PRSS23: variants seen among roughly 807,000 people sequenced by gnomAD.
The protein encoded by PRSS23 is serine protease 23.
In PRSS23, 25 loss-of-function variants were observed where a neutral mutation model predicts 34.7. That is an observed-to-expected ratio of 0.72 (90% confidence interval 0.53 to 1.01). PRSS23 has a LOEUF of 1.01. PRSS23 is among the 50% of genes least tolerant of loss of function. The probability of loss-of-function intolerance (pLI) is 0.00; values close to 1 mark genes in which losing one functional copy is unlikely to be tolerated. For synonymous variants in PRSS23, 176 were observed against 186.6 expected (o/e 0.94, Z 0.46); for missense variants, 445 against 475.6 (o/e 0.94, Z 0.60).
rs533874541 is a variant in PRSS23, at chr11:86,836,400, C to T, written c.206+12807C>T. On this transcript the variant is annotated intron_variant, in intron 2 of 2. Coordinates refer to the PRSS23 transcript ENST00000533902. ...ACTTGAACAGGATGGGTATTCTTTG[C>T]TCATCCATATTGTCCTTCTGTTACA... Among the ~76,000 whole-genome samples, 20 of 152,196 alleles carry T rather than the reference C, an allele frequency of 1.3e-4. No homozygotes were observed. In the East Asian group the frequency reaches 3.7e-3, roughly 28 times the overall value.
intron 2 of PRSS23, among the ~76,000 whole-genome samples, chr11:86,890,458 C>T (rs1040995563): frequency 3.3e-5 from 5 of 152,136 alleles, no homozygotes; most frequent in Non-Finnish European, 7.3e-5. Flanking sequence ...AAATTGTATC[C>T]ATGTAGGGTA....
chr11:86,845,147 T>C (rs1948477290), intron 2 of PRSS23, among the ~76,000 whole-genome samples: 1 of 152,112 alleles, frequency 6.6e-6, no homozygotes, highest in Non-Finnish European at 1.5e-5. Context: ...AGCCAATTTT[T>C]GTGAACCAAG....
chr11:86,830,577 T>TCTGTG (rs1456034390), intron 2 of PRSS23, among the ~76,000 whole-genome samples: 4 of 152,184 alleles, frequency 2.6e-5, no homozygotes, highest in African/African-American at 7.2e-5. Flanking sequence ...TCACCCATCT[T>TCTGTG]CTGTGTCGCT....
At chr11:86,791,847 G>C (rs369228812) in intron 1 of PRSS23, among the ~76,000 whole-genome samples, 1 of 152,184 alleles carries the variant, frequency 6.6e-6, no homozygotes, top group African/African-American at 2.4e-5. Context: ...CCATGTGTAA[G>C]AGCTGAAAAA....
At chr11:86,871,047 T>C (rs1948681431) in intron 2 of PRSS23, among the ~76,000 whole-genome samples, 2 of 152,214 alleles carry the variant, frequency 1.3e-5, no homozygotes, top group Admixed American at 1.3e-4. Flanking sequence ...TTTTTTCATA[T>C]CTAGTAATTT....
chr11:86,917,788 AT>A (rs962908385), intron 2 of PRSS23, among the ~76,000 whole-genome samples: 1 of 152,238 alleles, frequency 6.6e-6, no homozygotes, highest in Non-Finnish European at 1.5e-5. Context: ...CTCACCCAGT[AT>A]TGGAAGCCTT....
At chr11:86,831,949 C>A (rs1358032826) in intron 2 of PRSS23, among the ~76,000 whole-genome samples, 1 of 151,878 alleles carries the variant, frequency 6.6e-6, no homozygotes, top group Non-Finnish European at 1.5e-5. Context: ...TGTGTACACC[C>A]TGTGATATTA....
chr11:86,900,773 C>G (rs1176163133), intron 2 of PRSS23, among the ~76,000 whole-genome samples: 1 of 99,058 alleles, frequency 1.0e-5, no homozygotes, highest in South Asian at 3.5e-4. Context: ...GCATTATTAT[C>G]TCTCTCTCTT....
At chr11:86,802,257 A>G (rs1948048947) in intron 1 of PRSS23, among the ~76,000 whole-genome samples, 1 of 152,204 alleles carries the variant, frequency 6.6e-6, no homozygotes, top group African/African-American at 2.4e-5. Context: ...GGTTTGTCCC[A>G]GGCTCAATTT....
Position 86,807,989 on chromosome 11 carries a change from C to T in PRSS23, c.346C>T (p.Arg116Ter), listed in dbSNP as rs375784154. 4 of 1,614,058 alleles carry T rather than the reference C, an allele frequency of 2.5e-6. No individual in the cohort carries two copies. Among genetic ancestry groups the T allele is most frequent in the East Asian group, 2.2e-5 (1 of 44,876 alleles). ...CAGTAGTGGAGATGGGGCCCAACAC[C>T]GAGACTCAGGGTCTTCAGGAAAGTC... is the stretch of plus-strand genomic sequence containing the variant. Reference protein sequence around the residue: ...LSSSGDGAQHRDSGSSGKSRR... With the variant: ...LSSSGDGAQH The change falls in exon 2 of 2, where the codon CGA (arginine) becomes TGA (stop). Residue 116 changes from arginine to a stop codon, truncating the protein, a stop_gained. Transcript: ENST00000280258. LOFTEE classifies it high-confidence loss of function.
chr11:86,844,142 T>C (rs1008086982), intron 2 of PRSS23, among the ~76,000 whole-genome samples: 1 of 152,182 alleles, frequency 6.6e-6, no homozygotes, highest in Non-Finnish European at 1.5e-5. Flanking sequence ...GTAACCATCA[T>C]TGTAAGCAAA....
intron 2 of PRSS23, among the ~76,000 whole-genome samples, chr11:86,891,571 G>A (rs1948841205): frequency 6.6e-6 from 1 of 152,016 alleles, no homozygotes; most frequent in Admixed American, 6.6e-5. Context: ...AAATCTTTTG[G>A]GTGTTAGATT....
intron 2 of PRSS23, among the ~76,000 whole-genome samples, chr11:86,849,975 G>T (rs1242277712): frequency 6.6e-6 from 1 of 152,128 alleles, no homozygotes; most frequent in African/African-American, 2.4e-5. Flanking sequence ...TCATTAACCA[G>T]TCAGGAATCA....
chr11:86,890,589 T>C (rs1480321693), intron 2 of PRSS23, among the ~76,000 whole-genome samples: 1 of 152,202 alleles, frequency 6.6e-6, no homozygotes, highest in African/African-American at 2.4e-5. Flanking sequence ...TTATTCCTTG[T>C]TTATGAAGAA....
At chr11:86,819,537 T>C (rs1292885382) in intron 1 of PRSS23, among the ~76,000 whole-genome samples, 1 of 152,150 alleles carries the variant, frequency 6.6e-6, no homozygotes, top group Non-Finnish European at 1.5e-5. Flanking sequence ...CAGCATTCCT[T>C]TCACTGTGAA....
chr11:86,816,925 T>A (rs1417385764), intron 1 of PRSS23, among the ~76,000 whole-genome samples: 1 of 152,270 alleles, frequency 6.6e-6, no homozygotes, highest in Non-Finnish European at 1.5e-5. Flanking sequence ...TTGAAAATTG[T>A]AAAATCCTAT....
intron 1 of PRSS23, chr11:86,823,206 A>G (rs1235192142): frequency 6.6e-6 from 4 of 601,978 alleles, no homozygotes; most frequent in African/African-American, 3.7e-5. Context: ...TTCAGTTCCT[A>G]TTTCTTTTAC....
upstream of PRSS23, chr11:86,800,348 C>A: frequency 1.4e-6 from 1 of 701,288 alleles, no homozygotes; most frequent in Non-Finnish European, 1.8e-6. Context: ...CAGGGACGCT[C>A]GGCCTCAGGC....
chr11:86,844,698 G>A (rs575371965), intron 2 of PRSS23, among the ~76,000 whole-genome samples: 81 of 152,218 alleles, frequency 5.3e-4, no homozygotes, highest in African/African-American at 1.3e-3. Context: ...TAGAATCATA[G>A]GACCCACGTC....
Sources: gnomAD v4.1 joint callset for allele counts (sites outside exome capture counted in the v4.1 genomes callset) on GRCh38, gnomAD v4.1.1 for gene constraint, MANE v1.5 for transcripts, NCBI Gene and HGNC (gene_info 2026-07-23, HGNC 2026-07-21) for gene names.